PAX7: variants seen among roughly 807,000 people sequenced by gnomAD.
PAX7 encodes paired box 7.
Under a neutral mutation model 50.7 loss-of-function variants are expected in PAX7, and 18 were observed. That is an observed-to-expected ratio of 0.36 (90% CI 0.25 to 0.53). PAX7 has a LOEUF of 0.53. Ranked by LOEUF, PAX7 falls within the 20% of genes least tolerant of loss-of-function variation. PAX7 has a pLI of 0.93. For missense variants in PAX7, 644 were observed against 702.9 expected (o/e 0.92, Z 0.95); for synonymous variants, 310 against 290.4 (o/e 1.07, Z -0.69).
At chr1:18,699,654 G>A (rs1318625666) in intron 5 of PAX7, among the ~76,000 whole-genome samples, 4 of 151,230 alleles carry the variant, frequency 2.6e-5, no homozygotes, top group East Asian at 1.9e-4. Flanking sequence ...TCTGCCTCCC[G>A]GGTTCACGCC....
chr1:18,739,391 T>C (rs1035938327), intron 8 of PAX7, among the ~76,000 whole-genome samples: 1 of 152,240 alleles, frequency 6.6e-6, no homozygotes, highest in Non-Finnish European at 1.5e-5. Flanking sequence ...TATGTGAGTG[T>C]TCACTAATGT....
In PAX7 at chr1:18,735,556, C is replaced by T; in HGVS notation, c.1156-76C>T. 1.3e-6 allele frequency: 2 copies of T among 1,546,504 alleles called. No individual in the cohort carries two copies. Among genetic ancestry groups the T allele is most frequent in the Non-Finnish European group, 1.8e-6 (2 of 1,141,470 alleles). On this transcript the variant is annotated intron_variant, in intron 7 of 8. Coordinates refer to ENST00000420770, the MANE Select transcript of PAX7 (RefSeq NM_001135254.2). The surrounding 1 kb of genome is among the most constrained non-coding windows in gnomAD (Gnocchi z 4.0). ...TGGCAAAGAGTGTTCCAGGGCCAGC[C>T]TGGCATTGTGCCCAGTGTGCTCGTG...
At chr1:18,711,084 G>C (rs569538777) in intron 7 of PAX7, among the ~76,000 whole-genome samples, 2 of 152,130 alleles carry the variant, frequency 1.3e-5, no homozygotes, top group Non-Finnish European at 2.9e-5. Flanking sequence ...CCGCTTTCTC[G>C]GGAGGCCTCT....
chr1:18,636,303 C>A lies in PAX7; in HGVS notation c.518C>A (p.Ala173Glu), dbSNP rs776359965. The part of the protein sequence containing the change: ...KFGKKEEEDE[A>E]DKKEDDGEKK... ...GGGAAGAAAGAGGAGGAGGATGAAG[C>A]GGACAAGAAGGAGGACGACGGCGAA... The change falls in exon 4 of 9, where the codon GCG becomes GAG. Residue 173 changes from alanine (A) to glutamate (E), a missense_variant. Ala to Glu is a moderately radical substitution (Grantham distance 107). Coordinates refer to ENST00000420770, the MANE Select transcript of PAX7 (RefSeq NM_001135254.2). This position sits in a 1 kb window ranked among gnomAD's most constrained non-coding sequence, Gnocchi z 5.1. 1 of 1,614,158 alleles carries A rather than the reference C, an allele frequency of 6.2e-7. No homozygotes were observed. The highest frequency in any genetic ancestry group is 1.7e-5 in the Admixed American group (1 of 60,026).
chr1:18,644,866 T>G (rs2088313636), intron 4 of PAX7, among the ~76,000 whole-genome samples: 1 of 152,206 alleles, frequency 6.6e-6, no homozygotes, highest in African/African-American at 2.4e-5. Context: ...AATTTTCCTC[T>G]GGAGTGTATG....
chr1:18,683,272 A>G (rs547124575), intron 4 of PAX7, among the ~76,000 whole-genome samples: 6 of 152,350 alleles, frequency 3.9e-5, no homozygotes, highest in African/African-American at 1.2e-4. Flanking sequence ...ATGAGAATGC[A>G]GCTATGGATA....
At chr1:18,656,505 T>TA (rs1192751488) in intron 4 of PAX7, among the ~76,000 whole-genome samples, 1 of 150,078 alleles carries the variant, frequency 6.7e-6, no homozygotes, top group East Asian at 2.0e-4. Flanking sequence ...CTCAAACAAA[T>TA]AAATAAATAA....
chr1:18,704,989 T>C (rs117669918), intron 7 of PAX7, among the ~76,000 whole-genome samples: 4,668 of 152,178 alleles, frequency 0.031, 119 homozygotes, highest in Middle Eastern at 0.11. Context: ...TGGCACAGAG[T>C]GAGTGCCCAG....
rs776359965 is a variant in PAX7 at position 18,636,303 on chromosome 1, C to T, written c.518C>T (p.Ala173Val). 2 of 1,614,040 alleles carry T rather than the reference C, an allele frequency of 1.2e-6. No homozygotes were observed. Among genetic ancestry groups the T allele is most frequent in the African/African-American group, 1.3e-5 (1 of 74,940 alleles). Residue 173 changes from alanine (A) to valine (V), a missense_variant, in exon 4 of 9, where the codon GCG (alanine) becomes GTG (valine). Coordinates refer to ENST00000420770, the MANE Select transcript of PAX7 (RefSeq NM_001135254.2). This position sits in a 1 kb window ranked among gnomAD's most constrained non-coding sequence, Gnocchi z 5.1. ...KFGKKEEEDE[A>V]DKKEDDGEKK... The stretch of plus-strand genomic sequence containing the variant: ...GGGAAGAAAGAGGAGGAGGATGAAG[C>T]GGACAAGAAGGAGGACGACGGCGAA...
intron 1 of PAX7, among the ~76,000 whole-genome samples, chr1:18,633,638 A>AG (rs1385260994): frequency 6.6e-6 from 1 of 152,214 alleles, no homozygotes; most frequent in Non-Finnish European, 1.5e-5. Flanking sequence ...GAGTCACCCA[A>AG]GGGACAACCA....
chr1:18,732,918 C>T (rs2089663869), intron 7 of PAX7, among the ~76,000 whole-genome samples: 1 of 152,118 alleles, frequency 6.6e-6, no homozygotes, highest in Admixed American at 6.5e-5. Context: ...GCTGACAAAC[C>T]CTCCCAGTAG....
At chr1:18,672,940 A>G (rs2088773868) in intron 4 of PAX7, among the ~76,000 whole-genome samples, 1 of 152,112 alleles carries the variant, frequency 6.6e-6, no homozygotes, top group African/African-American at 2.4e-5. Context: ...TATCGGGGCT[A>G]TTTAGAGCAA....
chr1:18,637,953 G>T (rs534136290), intron 4 of PAX7, among the ~76,000 whole-genome samples: 7 of 152,382 alleles, frequency 4.6e-5, no homozygotes, highest in Non-Finnish European at 1.0e-4. Flanking sequence ...AGGCCAGTCG[G>T]CCCAGAGCCC....
intron 4 of PAX7, among the ~76,000 whole-genome samples, chr1:18,651,839 C>T (rs1359943220): frequency 6.8e-6 from 1 of 147,726 alleles, no homozygotes; most frequent in African/African-American, 2.5e-5. Context: ...CACCCCACCG[C>T]CTCTTCATGC....
At chr1:18,682,445 C>T (rs1557527495) in intron 4 of PAX7, among the ~76,000 whole-genome samples, 1 of 152,128 alleles carries the variant, frequency 6.6e-6, no homozygotes, top group South Asian at 2.1e-4. Flanking sequence ...AGCCATGTTG[C>T]CCCCTTTCTA....
chr1:18,709,901 G>A (rs1292517819), intron 7 of PAX7, among the ~76,000 whole-genome samples: 1 of 152,170 alleles, frequency 6.6e-6, no homozygotes, highest in African/African-American at 2.4e-5. Context: ...GTTCAGAGTC[G>A]CTGTCCCCAA....
intron 4 of PAX7, among the ~76,000 whole-genome samples, chr1:18,672,606 T>TG (rs1553137162): frequency 1.3e-4 from 19 of 145,592 alleles, no homozygotes; most frequent in African/African-American, 3.4e-4. Context: ...GTTTTTTTTT[T>TG]TTTTTTTTTT....
At chr1:18,648,236 A>C (rs1207139952) in intron 4 of PAX7, among the ~76,000 whole-genome samples, 7 of 139,514 alleles carry the variant, frequency 5.0e-5, no homozygotes, top group Admixed American at 1.4e-4. Context: ...TGTTTTCCCC[A>C]CCCCCAGCCA....
chr1:18,671,126 G>T (rs12409705), intron 4 of PAX7, among the ~76,000 whole-genome samples: 17,735 of 152,200 alleles, frequency 0.12, 1,236 homozygotes, highest in East Asian at 0.28. Flanking sequence ...TTTCCAAGCT[G>T]TGGGGCAGGA....
Sources: allele counts gnomAD v4.1 joint callset (sites outside exome capture counted in the v4.1 genomes callset), GRCh38; gene constraint gnomAD v4.1.1; non-coding constraint Gnocchi (gnomAD v3.1); transcripts MANE v1.5; gene names NCBI Gene and HGNC (gene_info 2026-07-23, HGNC 2026-07-21).